Variants in SPHKAP observed in about 807,000 individuals in gnomAD.
The protein encoded by SPHKAP is SPHK1 interactor, AKAP domain containing, also known as A-kinase anchor protein SPHKAP.
In SPHKAP, 67 loss-of-function variants were observed where a neutral mutation model predicts 137.5. The ratio of observed to expected loss-of-function variants is 0.49; its 90% CI spans 0.40 to 0.60. The LOEUF (loss-of-function observed/expected upper bound fraction) is 0.60, where lower values mean the gene tolerates loss of function less well. Ranked by LOEUF, SPHKAP falls within the 20% of genes least tolerant of loss-of-function variation. SPHKAP has a pLI of 0.00. For missense variants in SPHKAP, 2,097 were observed against 2,069.3 expected (o/e 1.01, Z -0.26); for synonymous variants, 813 against 785.3 (o/e 1.04, Z -0.59).
intron 1 of SPHKAP, among the ~76,000 whole-genome samples, chr2:228,150,299 A>C (rs1699890897): frequency 6.6e-6 from 1 of 152,148 alleles, no homozygotes. Context: ...CTGTCAAGCT[A>C]ATTCAGGACA....
intron 2 of SPHKAP, among the ~76,000 whole-genome samples, chr2:228,115,305 A>T (rs1284752453): frequency 3.3e-5 from 5 of 151,900 alleles, no homozygotes; most frequent in Non-Finnish European, 5.9e-5. Context: ...TTACTTTTGG[A>T]TTTCTTGCTG....
At chr2:228,154,508 C>CTATATA (rs1331355468) in intron 1 of SPHKAP, among the ~76,000 whole-genome samples, 477 of 34,436 alleles carry the variant, frequency 0.014, 4 homozygotes, top group East Asian at 0.033. Context: ...CTCTCTCTCT[C>CTATATA]TCTCTATATA....
intron 1 of SPHKAP, among the ~76,000 whole-genome samples, chr2:228,157,832 G>A (rs1294892291): frequency 6.6e-6 from 1 of 152,094 alleles, no homozygotes; most frequent in African/African-American, 2.4e-5. Context: ...TGGCCACAGA[G>A]GTGTAGTAGT....
At chr2:228,133,936 C>G (rs1699347791) in intron 1 of SPHKAP, among the ~76,000 whole-genome samples, 1 of 151,984 alleles carries the variant, frequency 6.6e-6, no homozygotes. Context: ...TTATATATTA[C>G]TTTTTGAGCA....
chr2:228,081,006 A>G (rs151114944), intron 3 of SPHKAP, among the ~76,000 whole-genome samples: 1,554 of 152,302 alleles, frequency 0.01, 43 homozygotes, highest in African/African-American at 0.035. Flanking sequence ...GTGTATCCTC[A>G]GAAAGGAAGA....
chr2:228,027,493 G>A lies in SPHKAP; in HGVS notation c.297C>T (p.His99=). ...GAGTTTCAAATGTTACCTGTTGCAGGTGCTCTGTGCTGCATTCATCCTTGT... is the reference window on the plus strand; with the variant it reads ...GAGTTTCAAATGTTACCTGTTGCAGATGCTCTGTGCTGCATTCATCCTTGT... ...DVNKDECSTE[H]LQQKLVNVSP... Residue 99 remains histidine, a synonymous_variant, in exon 4 of 12, where the codon CAC becomes CAT. Coordinates refer to ENST00000392056, the MANE Select transcript of SPHKAP (RefSeq NM_001142644.2). The A allele has an allele frequency of 6.2e-7, 1 of 1,614,000 alleles. No individual in the cohort carries two copies. The highest frequency in any genetic ancestry group is 2.2e-5 in the East Asian group (1 of 44,874).
rs1698421855 is a variant in SPHKAP, at chr2:228,108,833, G to A, written c.245C>T (p.Ser82Phe). ...ATCCCAAGAATTCTGTGTACTTACA[G>A]AAGCACAGTTTTCAGACTTGTCTTC... is the stretch of plus-strand genomic sequence containing the variant. ...FVEDKSENCA[S>F]VCFVNLDVNK... Residue 82 changes from serine (S) to phenylalanine (F), a missense_variant and splice_region_variant, in exon 3 of 12, where the codon TCT becomes TTT. Ser to Phe is a radical substitution (Grantham distance 155). Transcript: ENST00000392056. The A allele has an allele frequency of 1.9e-6, 3 of 1,603,416 alleles. No individual in the cohort carries two copies. Among genetic ancestry groups the A allele is most frequent in the Non-Finnish European group, 2.6e-6 (3 of 1,175,392 alleles).
intron 1 of SPHKAP, among the ~76,000 whole-genome samples, chr2:228,171,300 T>A (rs1039044731): frequency 6.6e-6 from 1 of 152,148 alleles, no homozygotes; most frequent in Non-Finnish European, 1.5e-5. Context: ...TTCCTTTAAC[T>A]TTTCTTGACT....
At chr2:228,168,711 A>G (rs905442982) in intron 1 of SPHKAP, among the ~76,000 whole-genome samples, 40 of 152,150 alleles carry the variant, frequency 2.6e-4, no homozygotes, top group African/African-American at 9.4e-4. Context: ...AATGGCCTGT[A>G]GATCTTCAAA....
intron 2 of SPHKAP, among the ~76,000 whole-genome samples, chr2:228,119,640 AC>A (rs1285649509): frequency 6.6e-6 from 1 of 152,104 alleles, no homozygotes; most frequent in African/African-American, 2.4e-5. Context: ...CCATTATTTC[AC>A]AGGGAAACTG....
At chr2:228,120,480 T>C (rs994807535) in intron 2 of SPHKAP, among the ~76,000 whole-genome samples, 1 of 152,110 alleles carries the variant, frequency 6.6e-6, no homozygotes, top group Non-Finnish European at 1.5e-5. Flanking sequence ...TGTCCCCATA[T>C]ATGTAATTTA....
intron 3 of SPHKAP, among the ~76,000 whole-genome samples, chr2:228,070,899 C>A (rs957944456): frequency 1.3e-5 from 2 of 152,130 alleles, no homozygotes; most frequent in East Asian, 1.9e-4. Flanking sequence ...TGTTTGGGAA[C>A]AAATAGACCA....
At chr2:228,039,002 AT>A (rs1424994096) in intron 3 of SPHKAP, among the ~76,000 whole-genome samples, 1 of 152,256 alleles carries the variant, frequency 6.6e-6, no homozygotes, top group Non-Finnish European at 1.5e-5. Flanking sequence ...ACAAAGAAGC[AT>A]TTGCTAAAAA....
intron 1 of SPHKAP, among the ~76,000 whole-genome samples, chr2:228,170,975 T>C (rs1700567580): frequency 6.6e-6 from 1 of 152,114 alleles, no homozygotes; most frequent in Admixed American, 6.6e-5. Flanking sequence ...ACAACACAGA[T>C]ACTCAGGTCA....
At chr2:228,143,362 T>G (rs1440688995) in intron 1 of SPHKAP, among the ~76,000 whole-genome samples, 1 of 152,106 alleles carries the variant, frequency 6.6e-6, no homozygotes, top group African/African-American at 2.4e-5. Context: ...GGCAACATAA[T>G]GAGACCCTGT....
At chr2:228,157,586 GT>G (rs1207457174) in intron 1 of SPHKAP, among the ~76,000 whole-genome samples, 2 of 152,068 alleles carry the variant, frequency 1.3e-5, no homozygotes, top group Non-Finnish European at 2.9e-5. Flanking sequence ...TTTAGTTGTC[GT>G]TTTTTTAATA....
intron 11 of SPHKAP, among the ~76,000 whole-genome samples, chr2:227,985,185 G>T (rs111921297): frequency 0.016 from 2,457 of 152,182 alleles, 45 homozygotes; most frequent in African/African-American, 0.05. Flanking sequence ...TCACAAGCTG[G>T]AATCTGTCAT....
intron 3 of SPHKAP, among the ~76,000 whole-genome samples, chr2:228,051,402 G>A (rs13004527): frequency 0.045 from 6,793 of 152,264 alleles, 243 homozygotes; most frequent in Non-Finnish European, 0.059. Flanking sequence ...CTAAGGGGAT[G>A]TTAATCAATG....
At chr2:228,078,502 A>T (rs532553972) in intron 3 of SPHKAP, among the ~76,000 whole-genome samples, 2 of 152,092 alleles carry the variant, frequency 1.3e-5, no homozygotes, top group South Asian at 4.1e-4. Context: ...GTAGACAATA[A>T]GTAAATTAGT....
Sources: allele counts gnomAD v4.1 joint callset (sites outside exome capture counted in the v4.1 genomes callset), GRCh38; gene constraint gnomAD v4.1.1; transcripts MANE v1.5; gene names NCBI Gene and HGNC (gene_info 2026-07-23, HGNC 2026-07-21).